WWC1: variants seen among roughly 807,000 people sequenced by gnomAD.
The protein encoded by WWC1 is protein KIBRA.
In WWC1, 55 loss-of-function variants were observed where a neutral mutation model predicts 138.4. That is an observed-to-expected ratio of 0.40 (90% CI 0.32 to 0.50). The LOEUF (loss-of-function observed/expected upper bound fraction) is 0.50, where lower values mean the gene tolerates loss of function less well. Ranked by LOEUF, WWC1 falls within the 20% of genes least tolerant of loss-of-function variation. The probability of loss-of-function intolerance (pLI) is 0.72; values close to 1 mark genes in which losing one functional copy is unlikely to be tolerated. For missense variants in WWC1, 1,226 were observed against 1,420.4 expected (o/e 0.86, Z 2.20); for synonymous variants, 524 against 564.9 (o/e 0.93, Z 1.03).
At chr5:168,463,929 A>G (rs1757029047) in intron 20 of WWC1, among the ~76,000 whole-genome samples, 1 of 152,180 alleles carries the variant, frequency 6.6e-6, no homozygotes, top group South Asian at 2.1e-4. Context: ...TTGAAGGCTT[A>G]GCAACCTCTG....
intron 15 of WWC1, among the ~76,000 whole-genome samples, chr5:168,438,097 T>C (rs1754402604): frequency 6.6e-6 from 1 of 152,170 alleles, no homozygotes; most frequent in African/African-American, 2.4e-5. Context: ...TTCCCTGTTT[T>C]CCAGATGAGG....
chr5:168,324,606 AT>A lies in WWC1; in HGVS notation c.119+32345del, dbSNP rs964572001. On this transcript the variant is annotated intron_variant, in intron 1 of 22. Coordinates refer to ENST00000265293, the MANE Select transcript of WWC1 (RefSeq NM_015238.3). ...ACATAATAATGGTGTATTGTGGATG[AT>A]TTTTTTTTTAAAAGCAGAACAGAAA... Among the ~76,000 whole-genome samples, 29 of 150,492 alleles carry A rather than the reference AT, an allele frequency of 1.9e-4. 1 individual carries two copies. The highest frequency in any genetic ancestry group is 7.8e-4 in the East Asian group (4 of 5,142).
At chr5:168,310,220 CTCTT>C (rs1482975790) in intron 1 of WWC1, among the ~76,000 whole-genome samples, 1 of 152,068 alleles carries the variant, frequency 6.6e-6, no homozygotes, top group Admixed American at 6.6e-5. Context: ...ATTTTTGTAT[CTCTT>C]TAATTTTAAT....
At chr5:168,316,874 A>T (rs1020160089) in intron 1 of WWC1, 7 of 152,120 alleles carry the variant, frequency 4.6e-5, no homozygotes, top group Non-Finnish European at 7.3e-5. Flanking sequence ...TTGTTTCTGA[A>T]CCCATTCCCT....
At chr5:168,324,664 A>G (rs1772391785) in intron 1 of WWC1, among the ~76,000 whole-genome samples, 1 of 152,176 alleles carries the variant, frequency 6.6e-6, no homozygotes, top group Non-Finnish European at 1.5e-5. Context: ...TAGACAACAA[A>G]TGGCAAATTG....
chr5:168,347,832 C>T lies in WWC1; in HGVS notation c.120-23592C>T, dbSNP rs114763343. On this transcript the variant is annotated intron_variant, in intron 1 of 22. Transcript: ENST00000265293. ...ATGATTCTGTCCCCTGGGTATACTG[C>T]AGTGCTCTAAACAGTCCTGATCGCT... Among the ~76,000 whole-genome samples, 1,227 of 152,256 alleles carry T rather than the reference C, an allele frequency of 8.1e-3. 16 individuals are homozygous for T. The highest frequency in any genetic ancestry group is 0.028 in the African/African-American group (1,155 of 41,542).
At chr5:168,366,314 T>A (rs895312258) in intron 1 of WWC1, among the ~76,000 whole-genome samples, 2 of 152,216 alleles carry the variant, frequency 1.3e-5, no homozygotes, top group Non-Finnish European at 2.9e-5. Context: ...GGAGAGAATC[T>A]TGCTGTCCAG....
At chr5:168,339,851 TTCTC>T (rs1197601532) in intron 1 of WWC1, among the ~76,000 whole-genome samples, 4 of 148,662 alleles carry the variant, frequency 2.7e-5, no homozygotes, top group African/African-American at 1.0e-4. Flanking sequence ...CTTTCTTTCT[TTCTC>T]TCTTTCTCTC....
chr5:168,370,798 G>A (rs990291506), intron 1 of WWC1, among the ~76,000 whole-genome samples: 21 of 152,342 alleles, frequency 1.4e-4, no homozygotes, highest in Admixed American at 1.1e-3. Context: ...CATAGAGAGC[G>A]GTTATTGCTA....
At chr5:168,422,872 G>A (rs1397867189) in intron 10 of WWC1, among the ~76,000 whole-genome samples, 1 of 152,042 alleles carries the variant, frequency 6.6e-6, no homozygotes, top group Non-Finnish European at 1.5e-5. Context: ...TGGGGCAGGC[G>A]TGGTGGCTTA....
intron 1 of WWC1, among the ~76,000 whole-genome samples, chr5:168,349,713 C>T (rs1000912323): frequency 6.6e-6 from 1 of 152,148 alleles, no homozygotes; most frequent in African/African-American, 2.4e-5. Context: ...CCCTTTGCTT[C>T]TGTTTGCAGA....
Position 168,320,180 on chromosome 5 carries a change from G to T in WWC1, c.119+27909G>T, listed in dbSNP as rs370599677. Among the ~76,000 whole-genome samples, 9 of 151,996 alleles carry T rather than the reference G, an allele frequency of 5.9e-5. No individual in the cohort carries two copies. The South Asian group carries it at 1.0e-3, about 18-fold the overall frequency. ...CTCCCAAGTAGCTGGGATTACAGGCGCCCGCCACCATGCCTGGCTAATTTT... is the reference window on the plus strand; with the variant it reads ...CTCCCAAGTAGCTGGGATTACAGGCTCCCGCCACCATGCCTGGCTAATTTT... On this transcript the variant is annotated intron_variant, in intron 1 of 22. Coordinates refer to ENST00000265293, the MANE Select transcript of WWC1 (RefSeq NM_015238.3).
At chr5:168,423,157 A>AC (rs1411167795) in intron 10 of WWC1, among the ~76,000 whole-genome samples, 1 of 149,946 alleles carries the variant, frequency 6.7e-6, no homozygotes, top group Non-Finnish European at 1.5e-5. Context: ...CCCAAAAAAA[A>AC]AAAAAAAAAA....
intron 9 of WWC1, among the ~76,000 whole-genome samples, chr5:168,419,839 G>C (rs994468334): frequency 1.6e-4 from 24 of 152,206 alleles, no homozygotes; most frequent in Non-Finnish European, 2.9e-5. Context: ...TCCATGGGAG[G>C]TTTCAGGAGA....
intron 2 of WWC1, among the ~76,000 whole-genome samples, chr5:168,381,729 T>C (rs1777645091): frequency 6.6e-6 from 1 of 150,682 alleles, no homozygotes; most frequent in Non-Finnish European, 1.5e-5. Flanking sequence ...ATTTAAGTGT[T>C]CTTCGGGGGG....
At chr5:168,339,989 C>G (rs1319252248) in intron 1 of WWC1, among the ~76,000 whole-genome samples, 1 of 96,182 alleles carries the variant, frequency 1.0e-5, no homozygotes, top group African/African-American at 3.6e-5. Flanking sequence ...CTCTCTTTCT[C>G]TCTCTCTCTT....
chr5:168,460,736 G>A lies in WWC1; in HGVS notation c.2910G>A (p.Met970Ile). The change falls in exon 20 of 23, where the codon ATG becomes ATA. Residue 970 changes from methionine to isoleucine, a missense_variant. Coordinates refer to ENST00000265293, the MANE Select transcript of WWC1 (RefSeq NM_015238.3). ...CCCTGGAGCGACGCAGCGTCCGGAT[G>A]AAGCGGGTAAGAGAGTCACCTCAAA... ...RNSLERRSVR[M>I]KRPSSVKSLR... 6.2e-7 allele frequency: 1 copy of A among 1,614,180 alleles called. No individual in the cohort carries two copies. Among genetic ancestry groups the A allele is most frequent in the Non-Finnish European group, 8.5e-7 (1 of 1,180,032 alleles).
At chr5:168,295,817 C>G (rs930461477) in intron 1 of WWC1, among the ~76,000 whole-genome samples, 2 of 152,162 alleles carry the variant, frequency 1.3e-5, no homozygotes, top group African/African-American at 4.8e-5. Flanking sequence ...CTTGCCAACT[C>G]TCTCCCCTTC....
intron 1 of WWC1, among the ~76,000 whole-genome samples, chr5:168,363,616 G>A (rs1353979944): frequency 6.6e-6 from 1 of 151,234 alleles, no homozygotes; most frequent in African/African-American, 2.4e-5. Flanking sequence ...TTTATTAGCT[G>A]TGCAAGCCAG....
Sources: allele counts gnomAD v4.1 joint callset (sites outside exome capture counted in the v4.1 genomes callset), GRCh38; gene constraint gnomAD v4.1.1; transcripts MANE v1.5; gene names NCBI Gene and HGNC (gene_info 2026-07-23, HGNC 2026-07-21).